TM9SF2: variants seen among roughly 807,000 people sequenced by gnomAD.
TM9SF2 encodes the protein 76 kDa membrane protein.
In TM9SF2, 13 loss-of-function variants were observed where a neutral mutation model predicts 84.9. That is an observed-to-expected ratio of 0.15 (90% CI 0.10 to 0.24). The LOEUF is 0.24. TM9SF2 is among the 10% of genes least tolerant of loss of function. TM9SF2 has a pLI of 1.00. For synonymous variants in TM9SF2, 273 were observed against 285.8 expected, an observed-to-expected ratio of 0.96 and a Z score of 0.45; for missense variants, 562 against 818.5, an observed-to-expected ratio of 0.69 and a Z score of 3.82.
intron 15 of TM9SF2, among the ~76,000 whole-genome samples, chr13:99,558,636 T>C (rs758784566): frequency 3.9e-5 from 6 of 152,184 alleles, no homozygotes; most frequent in Non-Finnish European, 5.9e-5. Flanking sequence ...GATTGCTCAT[T>C]GCTGGTGTGT....
chr13:99,531,147 C>T (rs1363319668), intron 4 of TM9SF2, among the ~76,000 whole-genome samples: 1 of 152,136 alleles, frequency 6.6e-6, no homozygotes, highest in Non-Finnish European at 1.5e-5. Flanking sequence ...AGGTGTGAGC[C>T]ACTGCGCCCG....
At chr13:99,502,396 G>A (rs1203786051) in intron 1 of TM9SF2, among the ~76,000 whole-genome samples, 1 of 152,212 alleles carries the variant, frequency 6.6e-6, no homozygotes, top group Admixed American at 6.5e-5. Context: ...TTAATAAAGA[G>A]TTGCTGTAAT....
At chr13:99,528,297 G>A (rs1043680198) in intron 3 of TM9SF2, among the ~76,000 whole-genome samples, 60 of 152,206 alleles carry the variant, frequency 3.9e-4, no homozygotes, top group African/African-American at 1.4e-3. Context: ...TGGCTATGCC[G>A]ATGCTCAGTT....
At chr13:99,508,820 C>T (rs1376641535) in intron 1 of TM9SF2, among the ~76,000 whole-genome samples, 3 of 152,140 alleles carry the variant, frequency 2.0e-5, no homozygotes, top group African/African-American at 7.2e-5. Context: ...TGGTGCCAAC[C>T]CATTCATTAG....
At chr13:99,509,078 TAAAAA>T (rs1259806565) in intron 1 of TM9SF2, among the ~76,000 whole-genome samples, 1 of 152,022 alleles carries the variant, frequency 6.6e-6, no homozygotes, top group Non-Finnish European at 1.5e-5. Flanking sequence ...GCCTGTAAAA[TAAAAA>T]AGCAAAAACA....
chr13:99,517,746 G>A (rs1049252178), intron 2 of TM9SF2, 65 bp downstream of exon 2: 1 of 1,158,142 alleles, frequency 8.6e-7, no homozygotes, highest in Non-Finnish European at 1.2e-6. Context: ...TGTACATTGA[G>A]AACTTTGTTT....
At chr13:99,553,905 C>T (rs1042993804) in intron 13 of TM9SF2, among the ~76,000 whole-genome samples, 2 of 152,210 alleles carry the variant, frequency 1.3e-5, no homozygotes, top group East Asian at 3.8e-4. Context: ...TTGCGCACCT[C>T]CAAATAAAAA....
At chr13:99,512,673 A>G (rs1235268571) in intron 1 of TM9SF2, among the ~76,000 whole-genome samples, 1 of 152,230 alleles carries the variant, frequency 6.6e-6, no homozygotes, top group Admixed American at 6.5e-5. Context: ...CCTGGTCTCT[A>G]GAGTTACTGG....
intron 4 of TM9SF2, among the ~76,000 whole-genome samples, chr13:99,533,887 T>C (rs945572520): frequency 1.3e-5 from 2 of 152,180 alleles, no homozygotes; most frequent in African/African-American, 2.4e-5. Context: ...GCCAGGCTGC[T>C]CTCGAACTCC....
intron 10 of TM9SF2, 43 bp from the exon 11 acceptor site, chr13:99,546,942 A>G (rs1456782369): frequency 2.5e-6 from 4 of 1,609,134 alleles, no homozygotes; most frequent in Admixed American, 1.7e-5. Flanking sequence ...AGCAAAGGAA[A>G]CAGAGTAATA....
At chr13:99,535,350 T>C (rs1447095786) in intron 4 of TM9SF2, among the ~76,000 whole-genome samples, 1 of 152,256 alleles carries the variant, frequency 6.6e-6, no homozygotes, top group Non-Finnish European at 1.5e-5. Flanking sequence ...TATGTAGTAC[T>C]TTCCCTCCAG....
chr13:99,535,600 A>G (rs1319591312), intron 4 of TM9SF2, among the ~76,000 whole-genome samples: 2 of 152,174 alleles, frequency 1.3e-5, no homozygotes, highest in Non-Finnish European at 2.9e-5. Flanking sequence ...AATTTTGTAC[A>G]CTGGGTACTG....
At chr13:99,552,108 A>G (rs2046307722) in intron 12 of TM9SF2, 59 bp from the exon 13 acceptor site, 1 of 1,483,004 alleles carries the variant, frequency 6.7e-7, no homozygotes, top group Non-Finnish European at 9.3e-7. Flanking sequence ...TATTAATTAC[A>G]TACTACTGTT....
chr13:99,520,575 CT>C (rs1052597251), intron 3 of TM9SF2, among the ~76,000 whole-genome samples: 4 of 149,884 alleles, frequency 2.7e-5, no homozygotes, highest in Non-Finnish European at 3.0e-5. Flanking sequence ...GCTAATCTTT[CT>C]TTTTTTTTTC....
At chr13:99,517,406 T>C (rs2046139386) in intron 1 of TM9SF2, among the ~76,000 whole-genome samples, 1 of 152,230 alleles carries the variant, frequency 6.6e-6, no homozygotes, top group Non-Finnish European at 1.5e-5. Context: ...ATTACAGGTG[T>C]GAGCCACCAT....
intron 4 of TM9SF2, 28 bp downstream of exon 4, chr13:99,529,622 G>T: frequency 1.3e-6 from 2 of 1,486,838 alleles, no homozygotes; most frequent in Non-Finnish European, 1.8e-6. Flanking sequence ...TCGATTTTGG[G>T]GTTTATCCTT....
intron 6 of TM9SF2, among the ~76,000 whole-genome samples, chr13:99,538,202 T>A (rs561366617): frequency 6.6e-6 from 1 of 152,296 alleles, no homozygotes; most frequent in African/African-American, 2.4e-5. Context: ...TCAGATAATG[T>A]GTGGCTTTCC....
intron 4 of TM9SF2, among the ~76,000 whole-genome samples, chr13:99,530,649 A>G (rs2139088864): frequency 6.6e-6 from 1 of 152,370 alleles, no homozygotes; most frequent in Middle Eastern, 3.4e-3. Context: ...GGCTATGAAA[A>G]AAATCACAGG....
chr13:99,534,986 C>CA (rs895233982), intron 4 of TM9SF2, among the ~76,000 whole-genome samples: 10 of 151,930 alleles, frequency 6.6e-5, no homozygotes, highest in Non-Finnish European at 1.2e-4. Context: ...CCCAACTCTA[C>CA]AAAAAATATT....
Sources: gnomAD v4.1 joint callset for allele counts (sites outside exome capture counted in the v4.1 genomes callset) on GRCh38, gnomAD v4.1.1 for gene constraint, MANE v1.5 for transcripts, NCBI Gene and HGNC (gene_info 2026-07-23, HGNC 2026-07-21) for gene names.